The following TLCD4 variants were observed in gnomAD, a reference collection of about 807,000 sequenced individuals.
TLCD4 encodes TLC domain-containing protein 4.
A neutral mutation model predicts 24.2 loss-of-function variants in TLCD4; 7 were observed. The observed-to-expected ratio is 0.29, with a 90% CI of 0.16 to 0.54. TLCD4 has a LOEUF of 0.54. TLCD4 is among the 20% of genes least tolerant of loss of function. TLCD4 has a pLI of 0.95. For synonymous variants in TLCD4, 103 were observed against 106.4 expected (o/e 0.97, Z 0.20); for missense variants, 259 against 313.9 (o/e 0.82, Z 1.32).
At chr1:95,134,631 A>C (rs183448668) in intron 1 of TLCD4, among the ~76,000 whole-genome samples, 5 of 152,342 alleles carry the variant, frequency 3.3e-5, no homozygotes, top group African/African-American at 9.6e-5. Flanking sequence ...ACTTGGAAGC[A>C]AAACAGCGGT....
rs1679202993 is a variant in TLCD4, at chr1:95,196,247, T to C, written c.*4379T>C. 6.6e-6 allele frequency: 1 copy of C among 152,354 alleles called. No homozygotes were observed. Among genetic ancestry groups the C allele is most frequent in the Admixed American group, 6.5e-5 (1 of 15,302 alleles). 9.4% of individuals were successfully genotyped at this position (152,354 alleles called of 1,614,324 possible). A position where few individuals can be genotyped will look rare whatever the true frequency, so the allele number is the denominator to read the frequency against. On this transcript the variant is annotated 3_prime_UTR_variant, in exon 7 of 7. Coordinates refer to ENST00000370203, the MANE Select transcript of TLCD4 (RefSeq NM_152487.3). ...GAAGATTTATTATAGGCTTGTAAAT[T>C]ATCTAAATGTTCTTTTTAGACCCCA...
At chr1:95,097,341 C>G in the TLCD4 span, among the ~76,000 whole-genome samples, 1 of 152,130 alleles carries the variant, frequency 6.6e-6, no homozygotes, top group African/African-American at 2.4e-5. Context: ...TTATTCCTGT[C>G]TCTTATTAAC....
At chr1:95,109,240 CTGTT>C in the TLCD4 span, among the ~76,000 whole-genome samples, 1 of 151,998 alleles carries the variant, frequency 6.6e-6, no homozygotes, top group South Asian at 2.1e-4. Flanking sequence ...GGTGGGAAGA[CTGTT>C]TGGGCCCAGG....
intron 2 of TLCD4, among the ~76,000 whole-genome samples, chr1:95,146,690 G>T (rs36101683): frequency 6.6e-6 from 1 of 151,990 alleles, no homozygotes; most frequent in Non-Finnish European, 1.5e-5. Context: ...TGAAACTATA[G>T]TATAGACTTT....
intron 1 of TLCD4, among the ~76,000 whole-genome samples, chr1:95,118,730 A>G (rs1164142789): frequency 6.6e-6 from 1 of 152,178 alleles, no homozygotes; most frequent in Non-Finnish European, 1.5e-5. Context: ...TAAGTTAGAG[A>G]ATCCCAGCTC....
At chr1:95,148,235 A>G (rs1240764747) in intron 2 of TLCD4, among the ~76,000 whole-genome samples, 2 of 152,182 alleles carry the variant, frequency 1.3e-5, no homozygotes, top group South Asian at 4.1e-4. Context: ...GATCCATTCG[A>G]ATTGTTTTAA....
At chr1:95,126,572 T>C (rs1676742396) in intron 1 of TLCD4, among the ~76,000 whole-genome samples, 1 of 152,230 alleles carries the variant, frequency 6.6e-6, no homozygotes, top group Non-Finnish European at 1.5e-5. Context: ...GTGGGTTGGC[T>C]AGGTAGTTAC....
the TLCD4 span, among the ~76,000 whole-genome samples, chr1:95,097,728 T>C: frequency 6.7e-6 from 1 of 150,326 alleles, no homozygotes; most frequent in African/African-American, 2.5e-5. Flanking sequence ...GGAGATGGTG[T>C]CGTAACTTTT....
chr1:95,187,449 A>G (rs1678866152), intron 6 of TLCD4, among the ~76,000 whole-genome samples: 1 of 151,824 alleles, frequency 6.6e-6, no homozygotes, highest in Non-Finnish European at 1.5e-5. Flanking sequence ...GGTTTTGAGG[A>G]GTACTGATCA....
At position 95,191,775 on chromosome 1, in the gene TLCD4, G is replaced by C; in HGVS notation, c.699G>C (p.Trp233Cys). Residue 233 changes from tryptophan to cysteine, a missense_variant, in exon 7 of 7, where the codon TGG (tryptophan) becomes TGC (cysteine). Transcript: ENST00000370203. ...TTTTGGATGTGATGAATGTCATGTG[G>C]ATGATCAAAATTTCAAAAGGTTGCA... is the stretch of plus-strand genomic sequence containing the variant. ...CVVLDVMNVM[W>C]MIKISKGCIK... 1 of 1,614,138 alleles carries C rather than the reference G, an allele frequency of 6.2e-7. No homozygotes were observed. The highest frequency in any genetic ancestry group is 8.5e-7 in the Non-Finnish European group (1 of 1,180,018).
At chr1:95,162,600 T>C (rs1158652362) in intron 5 of TLCD4, among the ~76,000 whole-genome samples, 2 of 152,238 alleles carry the variant, frequency 1.3e-5, no homozygotes, top group Non-Finnish European at 2.9e-5. Context: ...ATAGCATCGA[T>C]GGTCTTTACA....
chr1:95,139,305 G>A (rs1677134146), intron 1 of TLCD4, among the ~76,000 whole-genome samples: 2 of 151,718 alleles, frequency 1.3e-5, no homozygotes, highest in Non-Finnish European at 2.9e-5. Flanking sequence ...TGAAAGTGGA[G>A]GGCTAGGACA....
At chr1:95,116,185 C>A (rs1052802557), upstream of TLCD4, among the ~76,000 whole-genome samples, 1 of 152,154 alleles carries the variant, frequency 6.6e-6, no homozygotes, top group Non-Finnish European at 1.5e-5. Context: ...TTTTCCACAT[C>A]AGTCCAGGTC....
chr1:95,174,334 T>C (rs1446257662), intron 6 of TLCD4, among the ~76,000 whole-genome samples: 2 of 152,082 alleles, frequency 1.3e-5, no homozygotes, highest in African/African-American at 4.8e-5. Context: ...ATTATCTTAG[T>C]GCCTCATTGA....
intron 1 of TLCD4, among the ~76,000 whole-genome samples, chr1:95,133,534 C>A (rs962773340): frequency 1.3e-5 from 2 of 152,150 alleles, no homozygotes; most frequent in Non-Finnish European, 2.9e-5. Flanking sequence ...CAGATAGTTA[C>A]AGATGGAGGT....
rs924780433 is a variant in TLCD4 at position 95,194,866 on chromosome 1, G to A, written c.*2998G>A. 1 of 152,122 alleles carries A rather than the reference G, an allele frequency of 6.6e-6. No individual in the cohort carries two copies. The highest frequency in any genetic ancestry group is 1.5e-5 in the Non-Finnish European group (1 of 67,986). 9.4% of individuals were successfully genotyped at this position (152,122 alleles called of 1,614,324 possible). A position where few individuals can be genotyped will look rare whatever the true frequency, so the allele number is the denominator to read the frequency against. ...GCATTTATGTAAAACTGGAAATGAA[G>A]TTATATATGAGTGCAAAGAAATTGA... On this transcript the variant is annotated 3_prime_UTR_variant, in exon 7 of 7. Coordinates refer to ENST00000370203, the MANE Select transcript of TLCD4 (RefSeq NM_152487.3).
intron 5 of TLCD4, among the ~76,000 whole-genome samples, chr1:95,161,471 TTTTTTGAAGGG>T (rs1677802894): frequency 6.6e-6 from 1 of 152,200 alleles, no homozygotes. Context: ...GATTCATTGA[TTTTTTGAAGGG>T]TTTTTGTGTC....
chr1:95,104,980 C>T, the TLCD4 span, among the ~76,000 whole-genome samples: 1 of 152,040 alleles, frequency 6.6e-6, no homozygotes. Flanking sequence ...CCTGATCACA[C>T]CACTGCACTC....
the TLCD4 span, among the ~76,000 whole-genome samples, chr1:95,102,909 T>G: frequency 5.6e-3 from 856 of 151,776 alleles, 12 homozygotes; most frequent in African/African-American, 0.02. Flanking sequence ...TAAAGTACTA[T>G]ATATATATAT....
Sources: allele counts gnomAD v4.1 joint callset (sites outside exome capture counted in the v4.1 genomes callset), GRCh38; gene constraint gnomAD v4.1.1; transcripts MANE v1.5; gene names NCBI Gene and HGNC (gene_info 2026-07-23, HGNC 2026-07-21).